CNBD1: variants seen among roughly 807,000 people sequenced by gnomAD.
CNBD1 encodes the protein cyclic nucleotide-binding domain-containing protein 1.
CNBD1 carries 71 observed loss-of-function variants against 54.4 expected under a neutral mutation model. The observed-to-expected ratio is 1.30, with a 90% CI of 1.08 to 1.59. The LOEUF is 1.59. CNBD1 is among the 40% of genes most tolerant of loss of function. The pLI, the probability that CNBD1 is intolerant of heterozygous loss-of-function variation, is 0.00. For synonymous variants in CNBD1, 182 were observed against 170.7 expected (o/e 1.07, Z -0.51); for missense variants, 659 against 518.0 (o/e 1.27, Z -2.64).
chr8:87,075,695 T>G (rs1330439850), intron 4 of CNBD1, among the ~76,000 whole-genome samples: 1 of 152,164 alleles, frequency 6.6e-6, no homozygotes, highest in Non-Finnish European at 1.5e-5. Flanking sequence ...AATCATTGTG[T>G]CCCTGATTGG....
chr8:86,925,482 A>AGTGTGT lies in CNBD1; in HGVS notation c.273-14075_273-14070dup, dbSNP rs71275894. On this transcript the variant is annotated intron_variant, in intron 3 of 10. Transcript: ENST00000518476. ...TAAAATATATACGGGCTTACCAAAA[A>AGTGTGT]GTGTGTGTGTGTGTGTGTGTGTGTG... Among the ~76,000 whole-genome samples, 329 of 141,802 alleles carry AGTGTGT rather than the reference A, an allele frequency of 2.3e-3. 1 individual carries two copies. The highest frequency in any genetic ancestry group is 8.2e-3 in the African/African-American group (307 of 37,350). 93.0% of individuals were successfully genotyped at this position (141,802 alleles called of 152,430 possible).
intron 6 of CNBD1, among the ~76,000 whole-genome samples, chr8:87,242,555 G>A (rs1398781983): frequency 6.6e-6 from 1 of 152,094 alleles, no homozygotes; most frequent in African/African-American, 2.4e-5. Flanking sequence ...CAGAATGTCT[G>A]TGAATCCACC....
At chr8:87,423,404 C>A (rs966198660) in intron 2 of CNBD1, among the ~76,000 whole-genome samples, 8 of 151,476 alleles carry the variant, frequency 5.3e-5, no homozygotes, top group Non-Finnish European at 5.9e-5. Context: ...ATGATATTGG[C>A]TGTGGGTTTG....
chr8:87,416,207 A>G (rs1807831245), intron 2 of CNBD1, among the ~76,000 whole-genome samples: 1 of 152,076 alleles, frequency 6.6e-6, no homozygotes, highest in Admixed American at 6.6e-5. Context: ...GGAATGTAAT[A>G]AACCTCTTGC....
chr8:86,920,147 T>A (rs1809248651), intron 3 of CNBD1, among the ~76,000 whole-genome samples: 1 of 152,202 alleles, frequency 6.6e-6, no homozygotes, highest in Non-Finnish European at 1.5e-5. Context: ...CTGTGTATGA[T>A]CTTTGGTCAT....
intron 4 of CNBD1, among the ~76,000 whole-genome samples, chr8:87,114,826 A>G (rs1265730905): frequency 1.3e-5 from 2 of 152,110 alleles, no homozygotes; most frequent in African/African-American, 2.4e-5. Context: ...TATAACTACT[A>G]CTTGTGTCTC....
chr8:87,255,995 ATATATATATATATATATATATTT>A (rs1446490103), intron 6 of CNBD1, among the ~76,000 whole-genome samples: 1 of 15,652 alleles, frequency 6.4e-5, no homozygotes, highest in African/African-American at 3.7e-4. Flanking sequence ...ATATATATAT[ATATATATATATATATATATATTT>A]TTTTTTTTTT....
intron 4 of CNBD1, among the ~76,000 whole-genome samples, chr8:87,052,086 G>T (rs994305987): frequency 6.6e-6 from 1 of 152,160 alleles, no homozygotes; most frequent in African/African-American, 2.4e-5. Flanking sequence ...GTAACAATTT[G>T]CAGGCGTACC....
intron 2 of CNBD1, among the ~76,000 whole-genome samples, chr8:86,902,969 T>C (rs984192842): frequency 9.2e-5 from 14 of 152,278 alleles, no homozygotes; most frequent in African/African-American, 3.4e-4. Flanking sequence ...ACATATGTTG[T>C]TGTTTCAATG....
At position 87,382,687 on chromosome 8, in the gene CNBD1, T is replaced by G; in HGVS notation, c.*60T>G. ...AAGTATTGACTAAATAATGGAATAA[T>G]TGCATTCTGGAATACTATCAAACTA... On this transcript the variant is annotated 3_prime_UTR_variant, in exon 11 of 11. Transcript: ENST00000518476. The G allele has an allele frequency of 7.9e-7, 1 of 1,269,300 alleles. No individual in the cohort carries two copies. Among genetic ancestry groups the G allele is most frequent in the Non-Finnish European group, 1.1e-6 (1 of 900,898 alleles). 78.6% of individuals were successfully genotyped at this position (1,269,300 alleles called of 1,614,324 possible).
chr8:87,144,650 C>G (rs1812444549), intron 4 of CNBD1, among the ~76,000 whole-genome samples: 1 of 151,772 alleles, frequency 6.6e-6, no homozygotes, highest in Non-Finnish European at 1.5e-5. Context: ...GGAGAAACAC[C>G]ATCTCTACTA....
rs1038589156 is a variant in CNBD1 at position 86,870,444 on chromosome 8, G to T, written c.88+3861G>T. ...GATCTCCTGACCTCGTGATCCACCC[G>T]CCTCGGCCTCTCAAAGTGCTGGGAT... On this transcript the variant is annotated intron_variant, in intron 1 of 10. Transcript: ENST00000518476. Among the ~76,000 whole-genome samples, 7 of 151,830 alleles carry T rather than the reference G, an allele frequency of 4.6e-5. No individual in the cohort carries two copies. The East Asian group carries it at 1.2e-3, about 25-fold the overall frequency.
Position 87,382,643 on chromosome 8 carries a change from CA to C in CNBD1, c.*17del. ...AGTGGCCTAGATCTAGAAACAACCT[CA>C]GTGAACATTAATTAAGAAAGTATTG... On this transcript the variant is annotated 3_prime_UTR_variant, in exon 11 of 11. Coordinates refer to ENST00000518476, the MANE Select transcript of CNBD1 (RefSeq NM_173538.3). 1 of 1,521,836 alleles carries C rather than the reference CA, an allele frequency of 6.6e-7. No individual in the cohort carries two copies. The highest frequency in any genetic ancestry group is 8.9e-7 in the Non-Finnish European group (1 of 1,122,532). The allele number at this position is 1,521,836 out of a possible 1,614,324, so 94.3% of individuals were successfully genotyped here.
At chr8:87,426,706 A>T (rs998956013) in intron 2 of CNBD1, among the ~76,000 whole-genome samples, 3 of 152,168 alleles carry the variant, frequency 2.0e-5, no homozygotes, top group African/African-American at 7.2e-5. Context: ...GGACTACATG[A>T]AATAACGGCA....
intron 8 of CNBD1, among the ~76,000 whole-genome samples, chr8:87,292,244 C>T (rs1293173086): frequency 6.6e-6 from 1 of 152,160 alleles, no homozygotes; most frequent in African/African-American, 2.4e-5. Context: ...AAAGGCTATA[C>T]TGTCTTAAAC....
intron 4 of CNBD1, among the ~76,000 whole-genome samples, chr8:86,949,525 T>C (rs956351287): frequency 3.3e-5 from 5 of 152,184 alleles, no homozygotes; most frequent in Non-Finnish European, 5.9e-5. Flanking sequence ...GGATTACTTT[T>C]TTGATTTGTT....
At chr8:87,303,907 C>T (rs1209087725) in intron 8 of CNBD1, among the ~76,000 whole-genome samples, 2 of 152,152 alleles carry the variant, frequency 1.3e-5, no homozygotes, top group African/African-American at 4.8e-5. Flanking sequence ...CACTGGCCAT[C>T]AGAGAAATGC....
intron 10 of CNBD1, among the ~76,000 whole-genome samples, chr8:87,366,044 C>G (rs769957909): frequency 6.6e-6 from 1 of 152,006 alleles, no homozygotes; most frequent in African/African-American, 2.4e-5. Flanking sequence ...TGGTAAGAAG[C>G]CAGTATCCAG....
At chr8:87,393,888 G>A (rs1811360362) in intron 2 of CNBD1, among the ~76,000 whole-genome samples, 1 of 151,642 alleles carries the variant, frequency 6.6e-6, no homozygotes, top group South Asian at 2.1e-4. Flanking sequence ...TGAAAAGATC[G>A]AATTACACAT....
Sources: allele counts gnomAD v4.1 joint callset (sites outside exome capture counted in the v4.1 genomes callset), GRCh38; gene constraint gnomAD v4.1.1; transcripts MANE v1.5; gene names NCBI Gene and HGNC (gene_info 2026-07-23, HGNC 2026-07-21).